Variants in PRSS16 observed in about 807,000 individuals in gnomAD.
The protein encoded by PRSS16 is serine protease 16.
PRSS16 carries 43 observed loss-of-function variants against 61.7 expected under a neutral mutation model. The observed-to-expected ratio is 0.70, with a 90% CI of 0.55 to 0.90. PRSS16 has a LOEUF of 0.90. Ranked by LOEUF, PRSS16 falls within the 40% of genes least tolerant of loss-of-function variation. PRSS16 has a pLI of 0.00. For synonymous variants in PRSS16, 273 were observed against 285.2 expected (o/e 0.96, Z 0.43); for missense variants, 591 against 659.1 (o/e 0.90, Z 1.13).
Position 27,251,092 on chromosome 6 carries a change from C to G in PRSS16, c.642C>G (p.Ala214=). The G allele has an allele frequency of 6.2e-7, 1 of 1,614,134 alleles. No homozygotes were observed. The highest frequency in any genetic ancestry group is 8.5e-7 in the Non-Finnish European group (1 of 1,180,054). ...TCGCCTCCTCCGCCCCGGTGCGGGC[C>G]GTGCTGGATTTCTCCGAGTATAATG... The part of the protein sequence containing the change: ...ASVASSAPVR[A]VLDFSEYNDV... Residue 214 remains alanine, a synonymous_variant, in exon 6 of 12, where the codon GCC becomes GCG. Coordinates refer to ENST00000230582, the MANE Select transcript of PRSS16 (RefSeq NM_005865.4). The surrounding 1 kb of genome is among the most constrained non-coding windows in gnomAD (Gnocchi z 5.6).
At position 27,251,352 on chromosome 6, in the gene PRSS16, C is replaced by G; in HGVS notation, c.717+88C>G. 2.1e-6 allele frequency: 3 copies of G among 1,462,174 alleles called. No homozygotes were observed. Among genetic ancestry groups the G allele is most frequent in the South Asian group, 1.3e-5 (1 of 74,632 alleles). The allele number at this position is 1,462,174 out of a possible 1,614,324, so 90.6% of individuals were successfully genotyped here. Reference sequence around the variant, plus strand: ...AGAGGAGGCCAGAGAAGGGCGAAACCTGCAACGTGGCGGGGTCTAAGGAAG... The same window carrying G: ...AGAGGAGGCCAGAGAAGGGCGAAACGTGCAACGTGGCGGGGTCTAAGGAAG... On this transcript the variant is annotated intron_variant, in intron 7 of 11. Transcript: ENST00000230582. The surrounding 1 kb of genome is among the most constrained non-coding windows in gnomAD (Gnocchi z 5.6).
Position 27,256,394 on chromosome 6 carries a change from A to G in PRSS16, c.*1079A>G, listed in dbSNP as rs1440376293. On this transcript the variant is annotated 3_prime_UTR_variant, in exon 12 of 12. Coordinates refer to ENST00000230582, the MANE Select transcript of PRSS16 (RefSeq NM_005865.4). ...TAGCTGTGACAGGAACCTGCCATAG[A>G]TTTGCACTGTTCTTTCCTAAAGATC... is the stretch of plus-strand genomic sequence containing the variant. 1 of 152,596 alleles carries G rather than the reference A, an allele frequency of 6.6e-6. No individual in the cohort carries two copies. The highest frequency in any genetic ancestry group is 1.5e-5 in the Non-Finnish European group (1 of 68,046). The allele number at this position is 152,596 out of a possible 1,614,324, so 9.5% of individuals were successfully genotyped here. A position where few individuals can be genotyped will look rare whatever the true frequency, so the allele number is the denominator to read the frequency against.
Position 27,255,273 on chromosome 6 carries a change from G to A in PRSS16, c.1503G>A (p.Trp501Ter). The A allele has an allele frequency of 3.1e-6, 5 of 1,612,666 alleles. No individual in the cohort carries two copies. The highest frequency in any genetic ancestry group is 1.1e-5 in the South Asian group (1 of 90,960). Residue 501 changes from tryptophan to a stop codon, truncating the protein, a stop_gained, in exon 12 of 12, where the codon TGG becomes TGA. Coordinates refer to ENST00000230582, the MANE Select transcript of PRSS16 (RefSeq NM_005865.4). LOFTEE classifies it low-confidence loss of function (END_TRUNC). The surrounding 1 kb of genome is among the most constrained non-coding windows in gnomAD (Gnocchi z 4.4). ...RQNIFQQLQTWLKLAKESQIK... is the reference protein window; with the variant it reads ...RQNIFQQLQT Reference sequence around the variant, plus strand: ...ACATCTTCCAGCAGCTACAGACCTGGCTCAAGCTGGCAAAGGAGAGCCAGA... The same window carrying A: ...ACATCTTCCAGCAGCTACAGACCTGACTCAAGCTGGCAAAGGAGAGCCAGA...
At chr6:27,248,766 G>T in intron 2 of PRSS16, 81 bp from the exon 3 acceptor site, 1 of 899,212 alleles carries the variant, frequency 1.1e-6, no homozygotes, top group South Asian at 1.8e-5. Flanking sequence ...CCATTAGGAA[G>T]AGAGACTGGA....
In PRSS16 at chr6:27,250,781, C is replaced by G; in HGVS notation, c.566C>G (p.Ser189Cys). The change falls in exon 5 of 12, where the codon TCC (serine) becomes TGC (cysteine). Residue 189 changes from serine to cysteine, a missense_variant. Ser to Cys is a moderately radical substitution (Grantham distance 112). Transcript: ENST00000230582. ...WICFGGSYAG[S>C]LAAWARLKFP... The stretch of plus-strand genomic sequence containing the variant: ...TGCTTCGGAGGCTCCTATGCCGGCT[C>G]CTTGGCCGCCTGGGCCCGGCTGAAG... 1.2e-6 allele frequency: 2 copies of G among 1,612,114 alleles called. No homozygotes were observed. The highest frequency in any genetic ancestry group is 1.7e-6 in the Non-Finnish European group (2 of 1,179,212).
rs752971068 is a variant in PRSS16, at chr6:27,250,705, C to A, written c.490C>A (p.Arg164Ser). The change falls in exon 5 of 12, where the codon CGC becomes AGC. Residue 164 changes from arginine (R) to serine (S), a missense_variant. Physicochemically the swap from Arg to Ser is moderately radical, Grantham distance 110. Coordinates refer to ENST00000230582, the MANE Select transcript of PRSS16 (RefSeq NM_005865.4). ...RLALADVVSA[R>S]LALSRLFNIS... is the part of the protein sequence containing the mutation. ...TAGGCTGGCTGATGTGGTCTCTGCC[C>A]GCCTGGCACTTTCCCGCCTCTTTAA... 1.2e-6 allele frequency: 2 copies of A among 1,613,108 alleles called. No homozygotes were observed. Among genetic ancestry groups the A allele is most frequent in the Non-Finnish European group, 1.7e-6 (2 of 1,179,514 alleles).
chr6:27,254,649 T>C (rs974870417), intron 9 of PRSS16, 44 bp from the exon 10 acceptor site: 4 of 1,509,654 alleles, frequency 2.6e-6, no homozygotes, highest in African/African-American at 2.8e-5. Context: ...AGGAGAGTGG[T>C]GGGCTGCCTG....
rs1218419991 is a variant in PRSS16 at position 27,255,202 on chromosome 6, C to T, written c.1477-45C>T. The T allele has an allele frequency of 1.2e-6, 2 of 1,613,482 alleles. No individual in the cohort carries two copies. Among genetic ancestry groups the T allele is most frequent in the East Asian group, 2.2e-5 (1 of 44,874 alleles). On this transcript the variant is annotated intron_variant, in intron 11 of 11. Transcript: ENST00000230582. The surrounding 1 kb of genome is among the most constrained non-coding windows in gnomAD (Gnocchi z 4.4). ...ATCACTTGCATGTTCCCTCCTTCTG[C>T]TGGTGCTGAAATCTGACTTTCAAAT...
At chr6:27,253,210 C>T (rs1218321409) in intron 9 of PRSS16, 5 of 490,582 alleles carry the variant, frequency 1.0e-5, no homozygotes, top group African/African-American at 1.9e-5. Flanking sequence ...GTCCCCATTC[C>T]AGGGATGGCC....
rs1761263207 is a variant in PRSS16, at chr6:27,248,166, C to T, written c.237+118C>T. ...CACCTCAGTTCTCCCCATCCCTCTGCTTGAATCTCATGTTATGCTTGCTGT... is the reference window on the plus strand; with the variant it reads ...CACCTCAGTTCTCCCCATCCCTCTGTTTGAATCTCATGTTATGCTTGCTGT... On this transcript the variant is annotated intron_variant, in intron 2 of 11. Transcript: ENST00000230582. The T allele has an allele frequency of 3.3e-6, 4 of 1,216,282 alleles. No homozygotes were observed. The Admixed American group carries it at 1.2e-4, about 36-fold the overall frequency. 75.3% of individuals were successfully genotyped at this position (1,216,282 alleles called of 1,614,324 possible).
rs1424378340 is a variant in PRSS16 at position 27,251,776 on chromosome 6, C to G, written c.744C>G (p.Phe248Leu). Residue 248 changes from phenylalanine (F) to leucine (L), a missense_variant, in exon 8 of 12, where the codon TTC becomes TTG. Coordinates refer to ENST00000230582, the MANE Select transcript of PRSS16 (RefSeq NM_005865.4). The surrounding 1 kb of genome is among the most constrained non-coding windows in gnomAD (Gnocchi z 5.6). ...GCCGGGCGGCGGTGTCCGTCGCCTT[C>G]GCTGAAGTGGAGCGGCGGCTGCGCT... ...LECRAAVSVA[F>L]AEVERRLRSG... 1 of 1,608,162 alleles carries G rather than the reference C, an allele frequency of 6.2e-7. No homozygotes were observed. The highest frequency in any genetic ancestry group is 1.7e-5 in the Admixed American group (1 of 58,586).
rs1759936081 is a variant in PRSS16, at chr6:27,252,399, T to C, written c.1008+359T>C. ...GTTATCTCTGGGGATAGGGTTCTCCTAGGTACCTGGGACTGCAGCCTCTAA... is the reference window on the plus strand; with the variant it reads ...GTTATCTCTGGGGATAGGGTTCTCCCAGGTACCTGGGACTGCAGCCTCTAA... On this transcript the variant is annotated intron_variant, in intron 8 of 11. Transcript: ENST00000230582. The surrounding 1 kb of genome is among the most constrained non-coding windows in gnomAD (Gnocchi z 4.2). 3 of 375,274 alleles carry C rather than the reference T, an allele frequency of 8.0e-6. No homozygotes were observed. Among genetic ancestry groups the C allele is most frequent in the Admixed American group, 8.5e-5 (2 of 23,528 alleles). The allele number at this position is 375,274 out of a possible 1,614,324, so 23.2% of individuals were successfully genotyped here.
intron 9 of PRSS16, chr6:27,254,472 C>T: frequency 2.0e-6 from 1 of 512,542 alleles, no homozygotes; most frequent in South Asian, 3.3e-5. Flanking sequence ...ATCATGTTTC[C>T]TCTGGGATCC....
At position 27,252,731 on chromosome 6, in the gene PRSS16, G is replaced by A. The variant is rs1221782532; in HGVS notation, c.1009-77G>A. On this transcript the variant is annotated intron_variant, in intron 8 of 11. Transcript: ENST00000230582. This position sits in a 1 kb window ranked among gnomAD's most constrained non-coding sequence, Gnocchi z 4.2. ...TCTATTTCTGACTTTTGACCTCTGG[G>A]GACATAGGCCTCTGCACCCTGGCTT... 7 of 1,549,286 alleles carry A rather than the reference G, an allele frequency of 4.5e-6. No homozygotes were observed. The African/African-American group carries it at 5.4e-5, about 12-fold the overall frequency.
At chr6:27,250,951 C>G (rs1759872831) in intron 5 of PRSS16, 91 bp from the exon 6 acceptor site, 3 of 1,581,688 alleles carry the variant, frequency 1.9e-6, no homozygotes, top group Non-Finnish European at 2.6e-6. Context: ...CACAAGAGCC[C>G]GAGATTACAC....
Position 27,251,625 on chromosome 6 carries a change from C to T in PRSS16, c.718-125C>T. 9.1e-7 allele frequency: 1 copy of T among 1,096,044 alleles called. No homozygotes were observed. Among genetic ancestry groups the T allele is most frequent in the Non-Finnish European group, 1.2e-6 (1 of 801,816 alleles). The allele number at this position is 1,096,044 out of a possible 1,614,324, so 67.9% of individuals were successfully genotyped here. On this transcript the variant is annotated intron_variant, in intron 7 of 11. Transcript: ENST00000230582. The surrounding 1 kb of genome is among the most constrained non-coding windows in gnomAD (Gnocchi z 5.6). Reference sequence around the variant, plus strand: ...TGGGGGCGGGGGCCTGGGCCAAGAGCTAGGTCTGCACCCTCTGAGTCCCGC... The same window carrying T: ...TGGGGGCGGGGGCCTGGGCCAAGAGTTAGGTCTGCACCCTCTGAGTCCCGC...
At position 27,251,424 on chromosome 6, in the gene PRSS16, G is replaced by A. The variant is rs1759895378; in HGVS notation, c.717+160G>A. On this transcript the variant is annotated intron_variant, in intron 7 of 11. Coordinates refer to ENST00000230582, the MANE Select transcript of PRSS16 (RefSeq NM_005865.4). The surrounding 1 kb of genome is among the most constrained non-coding windows in gnomAD (Gnocchi z 5.6). ...CAGGTTTTGGAAGAAGGCGGGAGCTGACGAAGAGGAGGGGCACCAGGAAAA... is the reference window on the plus strand; with the variant it reads ...CAGGTTTTGGAAGAAGGCGGGAGCTAACGAAGAGGAGGGGCACCAGGAAAA... 1 of 972,096 alleles carries A rather than the reference G, an allele frequency of 1.0e-6. No individual in the cohort carries two copies. Among genetic ancestry groups the A allele is most frequent in the Middle Eastern group, 3.3e-4 (1 of 3,008 alleles). The allele number at this position is 972,096 out of a possible 1,614,324, so 60.2% of individuals were successfully genotyped here. A position where few individuals can be genotyped will look rare whatever the true frequency, so the allele number is the denominator to read the frequency against.
chr6:27,251,790 G>C lies in PRSS16; in HGVS notation c.758G>C (p.Arg253Pro). 1 of 1,609,216 alleles carries C rather than the reference G, an allele frequency of 6.2e-7. No homozygotes were observed. Among genetic ancestry groups the C allele is most frequent in the Non-Finnish European group, 8.5e-7 (1 of 1,179,078 alleles). The change falls in exon 8 of 12, where the codon CGG becomes CCG. Residue 253 changes from arginine to proline, a missense_variant. Physicochemically the swap from Arg to Pro is moderately radical, Grantham distance 103. Coordinates refer to ENST00000230582, the MANE Select transcript of PRSS16 (RefSeq NM_005865.4). The surrounding 1 kb of genome is among the most constrained non-coding windows in gnomAD (Gnocchi z 5.6). ...AVSVAFAEVE[R>P]RLRSGGAAQA... ...TCCGTCGCCTTCGCTGAAGTGGAGC[G>C]GCGGCTGCGCTCGGGTGGGGCGGCT...
rs902524661 is a variant in PRSS16 at position 27,254,980 on chromosome 6, T to G, written c.1331-6T>G. On this transcript the variant is annotated splice_region_variant and splice_polypyrimidine_tract_variant and intron_variant, in intron 10 of 11. Transcript: ENST00000230582. ...TACCTAGCCCCATCCTATCCTTTCT[T>G]TCCAGGGGACACAGACCCCTGGCAT... The G allele has an allele frequency of 6.2e-7, 1 of 1,613,014 alleles. No homozygotes were observed. Among genetic ancestry groups the G allele is most frequent in the African/African-American group, 1.3e-5 (1 of 74,908 alleles).
Sources: gnomAD v4.1 joint callset for allele counts on GRCh38, gnomAD v4.1.1 for gene constraint, Gnocchi (gnomAD v3.1) non-coding constraint, MANE v1.5 for transcripts, NCBI Gene and HGNC (gene_info 2026-07-23, HGNC 2026-07-21) for gene names.